CARD10: variants seen among roughly 807,000 people sequenced by gnomAD.
CARD10 encodes the protein caspase recruitment domain-containing protein 10.
CARD10 carries 49 observed loss-of-function variants against 114.6 expected under a neutral mutation model. That is an observed-to-expected ratio of 0.43 (90% CI 0.34 to 0.54). CARD10 has a LOEUF of 0.54. CARD10 is among the 20% of genes least tolerant of loss of function. The pLI is 0.03. For missense variants in CARD10, 1,206 were observed against 1,397.2 expected, an observed-to-expected ratio of 0.86 and a Z score of 2.18; for synonymous variants, 602 against 593.2, an observed-to-expected ratio of 1.01 and a Z score of -0.21.
chr22:37,506,154 C>A, intron 7 of CARD10, 38 bp downstream of exon 7: 1 of 1,399,880 alleles, frequency 7.1e-7, no homozygotes, highest in Admixed American at 2.4e-5. Context: ...AGGACCCCAG[C>A]CTTCCTGCCA....
chr22:37,506,371 G>C lies in CARD10; in HGVS notation c.1204C>G (p.Arg402Gly). 1 of 1,585,994 alleles carries C rather than the reference G, an allele frequency of 6.3e-7. No individual in the cohort carries two copies. Among genetic ancestry groups the C allele is most frequent in the Non-Finnish European group, 8.6e-7 (1 of 1,162,390 alleles). ...EKERDQAIQSRDRIQLQYSQS... is the reference protein window; with the variant it reads ...EKERDQAIQSGDRIQLQYSQS... ...GAGTACTGCAACTGGATCCGGTCAC[G>C]GCTCTGGATGGCCTAGGGTTGGGGG... Residue 402 changes from arginine to glycine, a missense_variant, in exon 7 of 20, where the codon CGT becomes GGT. Physicochemically the swap from Arg to Gly is moderately radical, Grantham distance 125. Around this residue, in one of 2 missense-constraint regions of CARD10, gnomAD observed 1,068 missense variants for 1,179.1 expected, o/e 0.91. Transcript: ENST00000251973.
intron 8 of CARD10, 133 bp from the exon 9 acceptor site, chr22:37,504,434 T>G (rs771108648): frequency 2.9e-5 from 31 of 1,065,642 alleles, no homozygotes; most frequent in Non-Finnish European, 4.0e-5. Context: ...TGCAAGATTA[T>G]AGTGTGCGGG....
intron 19 of CARD10, 80 bp downstream of exon 19, chr22:37,491,675 G>A (rs1264480513): frequency 3.2e-5 from 23 of 708,336 alleles, no homozygotes; most frequent in Admixed American, 2.0e-4. Context: ...GGAGAGAGAG[G>A]GGGGAGGGAG....
intron 7 of CARD10, among the ~76,000 whole-genome samples, chr22:37,505,195 A>T (rs1453104502): frequency 6.6e-6 from 1 of 152,076 alleles, no homozygotes; most frequent in Admixed American, 6.6e-5. Flanking sequence ...CGAGAGGACA[A>T]GAGGAACCCC....
intron 19 of CARD10, 49 bp from the exon 20 acceptor site, chr22:37,491,442 C>G: frequency 7.5e-7 from 1 of 1,332,538 alleles, no homozygotes; most frequent in Non-Finnish European, 1.0e-6. Context: ...CCAAGACAGA[C>G]AGAGAGACAG....
chr22:37,492,303 C>G lies in CARD10; in HGVS notation c.2751+132G>C, dbSNP rs1447297553. The G allele has an allele frequency of 8.7e-6, 6 of 692,870 alleles. No homozygotes were observed. In the East Asian group the frequency reaches 1.6e-4, roughly 19 times the overall value. 42.9% of individuals were successfully genotyped at this position (692,870 alleles called of 1,614,324 possible). ...ACTGAAGGCCACAGGAGGGAAAGGA[C>G]TTGGCCAGGGCCGCCCTGCCAGTGA... is the stretch of plus-strand genomic sequence containing the variant. On this transcript the variant is annotated intron_variant, in intron 18 of 19. Coordinates refer to ENST00000251973, the MANE Select transcript of CARD10 (RefSeq NM_014550.4). The surrounding 1 kb of genome is among the most constrained non-coding windows in gnomAD (Gnocchi z 5.7).
intron 11 of CARD10, among the ~76,000 whole-genome samples, chr22:37,498,153 T>A (rs1273146308): frequency 6.6e-6 from 1 of 152,192 alleles, no homozygotes; most frequent in Non-Finnish European, 1.5e-5. Context: ...GCTTTCCATG[T>A]GCCAGACACC....
intron 15 of CARD10, among the ~76,000 whole-genome samples, chr22:37,495,253 A>G (rs1922956025): frequency 6.6e-6 from 1 of 152,244 alleles, no homozygotes; most frequent in Admixed American, 6.5e-5. Flanking sequence ...GGCGTGAGCC[A>G]CTGTGCCCAG....
chr22:37,508,561 C>T lies in CARD10; in HGVS notation c.1031G>A (p.Gly344Glu). ...CAGCTCCTCGGCCCACTGCAGCTCC[C>T]CCTGCACGGCATGCAGCTTCTGGCA... ...ELCQKLHAVQ[G>E]ELQWAEELRD... Residue 344 changes from glycine (G) to glutamate (E), a missense_variant, in exon 5 of 20, where the codon GGG becomes GAG. Transcript: ENST00000251973. The T allele has an allele frequency of 1.3e-6, 2 of 1,598,286 alleles. No homozygotes were observed. The highest frequency in any genetic ancestry group is 8.5e-7 in the Non-Finnish European group (1 of 1,178,364).
rs547444441 is a variant in CARD10, at chr22:37,501,750, C to T, written c.1787+852G>A. 1.3e-5 allele frequency among the ~76,000 whole-genome samples: 2 copies of T among 152,316 alleles called. No individual in the cohort carries two copies. Among genetic ancestry groups the T allele is most frequent in the Admixed American group, 6.5e-5 (1 of 15,304 alleles). ...ACCTCCTCTATGGAGCAGAGATAAT[C>T]GTCATTATGCCTACTCCCTGGACAA... On this transcript the variant is annotated intron_variant, in intron 11 of 19. Coordinates refer to ENST00000251973, the MANE Select transcript of CARD10 (RefSeq NM_014550.4). The surrounding 1 kb of genome is among the most constrained non-coding windows in gnomAD (Gnocchi z 5.4).
In CARD10 at chr22:37,492,759, T is replaced by C. The variant is rs1381712151; in HGVS notation, c.2520A>G (p.Leu840=). The change falls in exon 17 of 20, where the codon CTA becomes CTG. Residue 840 remains leucine, a synonymous_variant. Coordinates refer to ENST00000251973, the MANE Select transcript of CARD10 (RefSeq NM_014550.4). The surrounding 1 kb of genome is among the most constrained non-coding windows in gnomAD (Gnocchi z 5.7). The part of the protein sequence containing the change: ...SLRPYSLVRP[L]LVSALRPVVL... ...CCACGGGCCGCAGGGCAGACACCAG[T>C]AGCGGCCGCACCAAACTGTAGGGTC... 1.1e-5 allele frequency: 18 copies of C among 1,612,688 alleles called. No homozygotes were observed. Among genetic ancestry groups the C allele is most frequent in the Middle Eastern group, 3.3e-4 (2 of 6,074 alleles).
At chr22:37,498,662 G>A (rs566539989) in intron 11 of CARD10, among the ~76,000 whole-genome samples, 22 of 152,314 alleles carry the variant, frequency 1.4e-4, no homozygotes, top group Non-Finnish European at 2.6e-4. Flanking sequence ...ATGCAGGCAT[G>A]GGAGGCATCA....
rs962132123 is a variant in CARD10, at chr22:37,501,654, A to T, written c.1787+948T>A. Among the ~76,000 whole-genome samples the T allele has an allele frequency of 6.6e-6, 1 of 152,202 alleles. No homozygotes were observed. The highest frequency in any genetic ancestry group is 1.5e-5 in the Non-Finnish European group (1 of 68,034). ...AAAACCCAAATCTGATCAGGTCACT[A>T]TGAACCCAGACCTGGTACTTCCCAA... On this transcript the variant is annotated intron_variant, in intron 11 of 19. Transcript: ENST00000251973. The surrounding 1 kb of genome is among the most constrained non-coding windows in gnomAD (Gnocchi z 5.4).
Position 37,502,646 on chromosome 22 carries a change from C to T in CARD10, c.1743G>A (p.Pro581=), listed in dbSNP as rs367801895. ...CACAGCCCCGAGCCAGGAGGCCTTC[C>T]GGCTTTCCCAAAGGCCACACGCTGT... The part of the protein sequence containing the change: ...SSDSVWPLGK[P]EGLLARGCGL... The change falls in exon 11 of 20, where the codon CCG becomes CCA. Residue 581 remains proline, a synonymous_variant. Coordinates refer to ENST00000251973, the MANE Select transcript of CARD10 (RefSeq NM_014550.4). 45 of 1,613,784 alleles carry T rather than the reference C, an allele frequency of 2.8e-5. No homozygotes were observed. The highest frequency in any genetic ancestry group is 8.9e-5 in the East Asian group (4 of 44,894).
At chr22:37,508,806 CG>C in intron 4 of CARD10, 124 bp from the exon 5 acceptor site, 1 of 1,258,780 alleles carries the variant, frequency 7.9e-7, no homozygotes, top group Non-Finnish European at 1.1e-6. Context: ...CATGCTGGCC[CG>C]GGGCCTCGAC....
chr22:37,498,478 G>C (rs187478573), intron 11 of CARD10, among the ~76,000 whole-genome samples: 1 of 152,192 alleles, frequency 6.6e-6, no homozygotes, highest in East Asian at 1.9e-4. Context: ...GAGAGGCAGC[G>C]GGGCGAAGCA....
Position 37,506,209 on chromosome 22 carries a change from C to G in CARD10, c.1366G>C (p.Gly456Arg). ...CCGCTCACCTTGAGGCAGGTGCCAC[C>G]CTGGGCCCGCTGCAGCTGAACCTCC... ...LLEVQLQRAQ[G>R]GTCLKACASS... The change falls in exon 7 of 20, where the codon GGT (glycine) becomes CGT (arginine). Residue 456 changes from glycine to arginine, a missense_variant. Gly to Arg is a moderately radical substitution (Grantham distance 125). Transcript: ENST00000251973. 6.3e-7 allele frequency: 1 copy of G among 1,581,908 alleles called. No homozygotes were observed. Among genetic ancestry groups the G allele is most frequent in the Non-Finnish European group, 8.6e-7 (1 of 1,161,772 alleles).
At chr22:37,517,744 G>A (rs1355446193) in intron 2 of CARD10, among the ~76,000 whole-genome samples, 1 of 152,070 alleles carries the variant, frequency 6.6e-6, no homozygotes, top group Non-Finnish European at 1.5e-5. Context: ...GTATCACGAA[G>A]AAAGAGCCAT....
At chr22:37,498,534 C>A (rs1413970658) in intron 11 of CARD10, among the ~76,000 whole-genome samples, 1 of 152,216 alleles carries the variant, frequency 6.6e-6, no homozygotes, top group Admixed American at 6.5e-5. Context: ...GCTGCACTGC[C>A]CCCTGCTGCC....
Sources: allele counts gnomAD v4.1 joint callset (sites outside exome capture counted in the v4.1 genomes callset), GRCh38; gene constraint gnomAD v4.1.1; regional missense constraint gnomAD v4.1.1; non-coding constraint Gnocchi (gnomAD v3.1); transcripts MANE v1.5; gene names NCBI Gene and HGNC (gene_info 2026-07-23, HGNC 2026-07-21).